The following PXN variants were observed in gnomAD, a reference collection of about 807,000 sequenced individuals.
PXN encodes the protein testicular tissue protein Li 134.
PXN carries 61 observed loss-of-function variants against 103.6 expected under a neutral mutation model. The observed-to-expected ratio is 0.59, with a 90% CI of 0.48 to 0.73. The LOEUF is 0.73. Among genes scored for constraint, PXN ranks in the 30% least tolerant of loss-of-function variants. PXN has a pLI of 0.00. For synonymous variants in PXN, 562 were observed against 607.8 expected (o/e 0.92, Z 1.11); for missense variants, 1,274 against 1,460.3 (o/e 0.87, Z 2.08).
Position 120,212,431 on chromosome 12 carries a change from C to A in PXN, c.3129G>T (p.Lys1043Asn). ...TGRCITAMAKKFHPEHFVCAF... is the reference protein window; with the variant it reads ...TGRCITAMAKNFHPEHFVCAF... ...CACAGACGAAGTGCTCGGGGTGGAA[C>A]TTCTTGGCCATGGCGGTGATGCAGC... Residue 1043 changes from lysine (K) to asparagine (N), a missense_variant, in exon 15 of 15, where the codon AAG becomes AAT. Transcript: ENST00000637617. This position sits in a 1 kb window ranked among gnomAD's most constrained non-coding sequence, Gnocchi z 7.2. The A allele has an allele frequency of 1.2e-6, 2 of 1,614,002 alleles. No individual in the cohort carries two copies. Among genetic ancestry groups the A allele is most frequent in the Non-Finnish European group, 1.7e-6 (2 of 1,179,886 alleles).
At chr12:120,258,373 T>C (rs912664248) in intron 1 of PXN, among the ~76,000 whole-genome samples, 9 of 152,262 alleles carry the variant, frequency 5.9e-5, no homozygotes, top group African/African-American at 1.7e-4. Flanking sequence ...GCCTGTCTTT[T>C]TTCTGCACAG....
chr12:120,261,728 T>C (rs950586044), intron 1 of PXN, among the ~76,000 whole-genome samples: 10 of 152,166 alleles, frequency 6.6e-5, no homozygotes, highest in African/African-American at 1.2e-4. Flanking sequence ...CTTCAATGCA[T>C]GACCATCACT....
chr12:120,230,264 G>A (rs1183879985), intron 1 of PXN, among the ~76,000 whole-genome samples: 2 of 152,190 alleles, frequency 1.3e-5, no homozygotes, highest in African/African-American at 2.4e-5. Flanking sequence ...TGGGCCAGCT[G>A]TCCATCCCTG....
chr12:120,228,799 G>A lies in PXN; in HGVS notation c.14-4422C>T, dbSNP rs534589154. On this transcript the variant is annotated intron_variant, in intron 1 of 14. Transcript: ENST00000637617. The surrounding 1 kb of genome is among the most constrained non-coding windows in gnomAD (Gnocchi z 4.7). ...CAGGGCCCTGTGCAAATGCAGCACCGTGTGCGCCCCTATCTGCACCCCATG... is the reference window on the plus strand; with the variant it reads ...CAGGGCCCTGTGCAAATGCAGCACCATGTGCGCCCCTATCTGCACCCCATG... Among the ~76,000 whole-genome samples, 18 of 152,336 alleles carry A rather than the reference G, an allele frequency of 1.2e-4. No homozygotes were observed. The highest frequency in any genetic ancestry group is 5.8e-4 in the East Asian group (3 of 5,182).
intron 1 of PXN, among the ~76,000 whole-genome samples, chr12:120,231,331 C>T (rs1887998778): frequency 6.6e-6 from 1 of 152,230 alleles, no homozygotes; most frequent in African/African-American, 2.4e-5. Flanking sequence ...ACAGGAACTG[C>T]TCTGCTAAGA....
chr12:120,213,788 T>C lies in PXN; in HGVS notation c.2979+54A>G. Reference sequence around the variant, plus strand: ...CAGACAGCACAATGAGGAAGACCCCTCTCTCCCCACTGCCTGCTCCTCGCC... The same window carrying C: ...CAGACAGCACAATGAGGAAGACCCCCCTCTCCCCACTGCCTGCTCCTCGCC... On this transcript the variant is annotated intron_variant, in intron 14 of 14. Coordinates refer to ENST00000637617, the MANE Select transcript of PXN (RefSeq NM_001385981.1). This position sits in a 1 kb window ranked among gnomAD's most constrained non-coding sequence, Gnocchi z 4.2. The C allele has an allele frequency of 6.4e-7, 1 of 1,569,928 alleles. No individual in the cohort carries two copies. The highest frequency in any genetic ancestry group is 8.6e-7 in the Non-Finnish European group (1 of 1,157,134).
chr12:120,239,404 A>C (rs1298209916), intron 1 of PXN, among the ~76,000 whole-genome samples: 1 of 152,128 alleles, frequency 6.6e-6, no homozygotes, highest in East Asian at 1.9e-4. Flanking sequence ...AGCATGGTGA[A>C]ACCCCGTCTC....
chr12:120,255,219 T>G (rs1892812401), intron 1 of PXN, among the ~76,000 whole-genome samples: 1 of 152,084 alleles, frequency 6.6e-6, no homozygotes, highest in African/African-American at 2.4e-5. Flanking sequence ...AGAAATCCTT[T>G]GGGAAAACAC....
intron 1 of PXN, among the ~76,000 whole-genome samples, chr12:120,242,897 A>C (rs2136526038): frequency 6.7e-6 from 1 of 149,952 alleles, no homozygotes; most frequent in Non-Finnish European, 1.5e-5. Flanking sequence ...AAAAAAAAAA[A>C]GCTCATCTCA....
rs777650742 is a variant in PXN at position 120,224,172 on chromosome 12, G to A, written c.219C>T (p.Ser73=). The change falls in exon 2 of 15, where the codon AGC becomes AGT. Residue 73 remains serine, a synonymous_variant. Transcript: ENST00000637617. This position sits in a 1 kb window ranked among gnomAD's most constrained non-coding sequence, Gnocchi z 5.0. ...TCACCTGCTGGTGGATGAATCGGGA[G>A]CTGCTGGGCTGCCACTGGTCTAAGG... ...LDPLDQWQPS[S]SRFIHQQPQS... 2 of 1,592,418 alleles carry A rather than the reference G, an allele frequency of 1.3e-6. No individual in the cohort carries two copies.
rs777165741 is a variant in PXN at position 120,219,331 on chromosome 12, G to A, written c.1592C>T (p.Thr531Ile). The part of the protein sequence containing the change: ...SVARPTQGPE[T>I]PRSPEGTTEA... ...CGTGGTGCCCTCTGGGCTCCTTGGG[G>A]TTTCAGGTCCCTGGGTTGGCCTGGC... Residue 531 changes from threonine to isoleucine, a missense_variant, in exon 7 of 15, where the codon ACC becomes ATC. Transcript: ENST00000637617. This position sits in a 1 kb window ranked among gnomAD's most constrained non-coding sequence, Gnocchi z 6.5. 1.0e-5 allele frequency: 16 copies of A among 1,598,328 alleles called. No individual in the cohort carries two copies. The highest frequency in any genetic ancestry group is 1.6e-4 in the Middle Eastern group (1 of 6,082).
In PXN at chr12:120,212,023, GT is replaced by G. The variant is rs1373196678; in HGVS notation, c.*290del. ...TGTGGGGTGCTGGCCAGGCCAGTTC[GT>G]GGGGACGTACATGGGCTGGGGTGGA... is the stretch of plus-strand genomic sequence containing the variant. On this transcript the variant is annotated 3_prime_UTR_variant, in exon 15 of 15. Coordinates refer to ENST00000637617, the MANE Select transcript of PXN (RefSeq NM_001385981.1). This position sits in a 1 kb window ranked among gnomAD's most constrained non-coding sequence, Gnocchi z 7.2. 4 of 657,108 alleles carry G rather than the reference GT, an allele frequency of 6.1e-6. No individual in the cohort carries two copies. Among genetic ancestry groups the G allele is most frequent in the Non-Finnish European group, 1.1e-5 (4 of 349,020 alleles). The allele number at this position is 657,108 out of a possible 1,614,324, so 40.7% of individuals were successfully genotyped here. A position where few individuals can be genotyped will look rare whatever the true frequency, so the allele number is the denominator to read the frequency against.
Position 120,215,613 on chromosome 12 carries a change from C to T in PXN, c.2350G>A (p.Gly784Ser), listed in dbSNP as rs770650321. The T allele has an allele frequency of 4.4e-5, 71 of 1,611,234 alleles. No homozygotes were observed. Among genetic ancestry groups the T allele is most frequent in the Non-Finnish European group, 5.4e-5 (64 of 1,178,896 alleles). ...RADGERCWAA[G>S]WPRDGGRSSP... ...CTCCGCCCGCCGTCCCGAGGCCAGCCGGCCGCCCAGCACCGCTCCCCATCC... is the reference window on the plus strand; with the variant it reads ...CTCCGCCCGCCGTCCCGAGGCCAGCTGGCCGCCCAGCACCGCTCCCCATCC... Residue 784 changes from glycine to serine, a missense_variant, in exon 10 of 15, where the codon GGC (glycine) becomes AGC (serine). This residue lies in a region of PXN where 1,178 missense variants were observed against 1,309.0 expected (regional missense o/e 0.90). Transcript: ENST00000637617. The surrounding 1 kb of genome is among the most constrained non-coding windows in gnomAD (Gnocchi z 4.9).
Position 120,212,140 on chromosome 12 carries a change from G to A in PXN, c.*174C>T, listed in dbSNP as rs1880362598. 4 of 963,904 alleles carry A rather than the reference G, an allele frequency of 4.1e-6. No homozygotes were observed. The Admixed American group carries it at 5.8e-5, about 14-fold the overall frequency. 59.7% of individuals were successfully genotyped at this position (963,904 alleles called of 1,614,324 possible). A position where few individuals can be genotyped will look rare whatever the true frequency, so the allele number is the denominator to read the frequency against. ...GAGGGGGCCCAGAGGCTCTGGCAGG[G>A]GTGAAGACAAGCAGGGGGACCCCTC... On this transcript the variant is annotated 3_prime_UTR_variant, in exon 15 of 15. Coordinates refer to ENST00000637617, the MANE Select transcript of PXN (RefSeq NM_001385981.1). This position sits in a 1 kb window ranked among gnomAD's most constrained non-coding sequence, Gnocchi z 7.2.
intron 1 of PXN, among the ~76,000 whole-genome samples, chr12:120,235,850 C>T (rs996176998): frequency 2.6e-5 from 4 of 152,168 alleles, no homozygotes; most frequent in Non-Finnish European, 5.9e-5. Context: ...TGCTTGTGGT[C>T]CCATCTGAAC....
chr12:120,214,027 G>A lies in PXN; in HGVS notation c.2831-37C>T, dbSNP rs766632483. ...GGGTTTTGGAGGCACAGTTCATTCC[G>A]GCTTCCAGAAGTGGAGCCACTCTGA... On this transcript the variant is annotated intron_variant, in intron 13 of 14. Transcript: ENST00000637617. The surrounding 1 kb of genome is among the most constrained non-coding windows in gnomAD (Gnocchi z 5.0). 24 of 1,603,716 alleles carry A rather than the reference G, an allele frequency of 1.5e-5. No homozygotes were observed. Among genetic ancestry groups the A allele is most frequent in the East Asian group, 2.2e-5 (1 of 44,614 alleles).
At chr12:120,253,904 C>T (rs940744107) in intron 1 of PXN, among the ~76,000 whole-genome samples, 4 of 151,852 alleles carry the variant, frequency 2.6e-5, no homozygotes, top group East Asian at 1.9e-4. Flanking sequence ...TTTTTGAGAT[C>T]GAGTCTTTCT....
At position 120,225,513 on chromosome 12, in the gene PXN, C is replaced by G. The variant is rs191966365; in HGVS notation, c.14-1136G>C. On this transcript the variant is annotated intron_variant, in intron 1 of 14. Coordinates refer to ENST00000637617, the MANE Select transcript of PXN (RefSeq NM_001385981.1). The surrounding 1 kb of genome is among the most constrained non-coding windows in gnomAD (Gnocchi z 4.4). Reference sequence around the variant, plus strand: ...GTCTCCGTTAATCCCCCTAATACCCCCTGTAGCTGGAAATGATTCTCCCCG... The same window carrying G: ...GTCTCCGTTAATCCCCCTAATACCCGCTGTAGCTGGAAATGATTCTCCCCG... 1.3e-5 allele frequency: 2 copies of G among 152,384 alleles called. No homozygotes were observed. Among genetic ancestry groups the G allele is most frequent in the Admixed American group, 1.3e-4 (2 of 15,282 alleles). The allele number at this position is 152,384 out of a possible 1,614,324, so 9.4% of individuals were successfully genotyped here.
chr12:120,237,751 G>C (rs1889368530), intron 1 of PXN, among the ~76,000 whole-genome samples: 1 of 152,188 alleles, frequency 6.6e-6, no homozygotes, highest in Admixed American at 6.5e-5. Context: ...GCCATCTGCT[G>C]ATTTCAGGGC....
Sources: gnomAD v4.1 joint callset for allele counts (sites outside exome capture counted in the v4.1 genomes callset) on GRCh38, gnomAD v4.1.1 for gene constraint, gnomAD v4.1.1 regional missense constraint, Gnocchi (gnomAD v3.1) non-coding constraint, MANE v1.5 for transcripts, NCBI Gene and HGNC (gene_info 2026-07-23, HGNC 2026-07-21) for gene names.